The following NTRK3 variants were observed in gnomAD, a reference collection of about 807,000 sequenced individuals.
NTRK3 encodes the protein NT-3 growth factor receptor.
Under a neutral mutation model 91.7 loss-of-function variants are expected in NTRK3, and 24 were observed. That is an observed-to-expected ratio of 0.26 (90% confidence interval 0.19 to 0.37). The LOEUF is 0.37. Ranked by LOEUF, NTRK3 falls within the 10% of genes least tolerant of loss-of-function variation. The pLI is 1.00. For synonymous variants in NTRK3, 483 were observed against 404.0 expected, an observed-to-expected ratio of 1.20 and a Z score of -2.34; for missense variants, 880 against 1,068.9, an observed-to-expected ratio of 0.82 and a Z score of 2.46.
intron 3 of NTRK3, among the ~76,000 whole-genome samples, chr15:88,231,547 C>T (rs927482669): frequency 1.1e-4 from 16 of 152,128 alleles, no homozygotes; most frequent in Admixed American, 9.8e-4. Context: ...TAGCTTTATG[C>T]ACCCAGGAAA....
intron 5 of NTRK3, among the ~76,000 whole-genome samples, chr15:88,148,527 T>C (rs1214735345): frequency 1.3e-5 from 2 of 151,970 alleles, no homozygotes; most frequent in East Asian, 1.9e-4. Flanking sequence ...GGGAGGAGTG[T>C]TTCAGGCAGT....
At chr15:87,998,897 G>C (rs1013263129) in intron 14 of NTRK3, among the ~76,000 whole-genome samples, 1 of 152,184 alleles carries the variant, frequency 6.6e-6, no homozygotes, top group African/African-American at 2.4e-5. Flanking sequence ...TGCTGGTAGG[G>C]AGTGTGGGGG....
intron 14 of NTRK3, chr15:87,978,943 G>A (rs2073960430): frequency 3.0e-6 from 1 of 338,858 alleles, no homozygotes; most frequent in South Asian, 4.8e-5. Flanking sequence ...ACGCTTCCAA[G>A]CAGGGAAAGT....
chr15:88,157,239 ACAC>A (rs2043993834), intron 5 of NTRK3, among the ~76,000 whole-genome samples: 1 of 152,014 alleles, frequency 6.6e-6, no homozygotes, highest in South Asian at 2.1e-4. Context: ...TCACACACAC[ACAC>A]CACACTACAC....
intron 13 of NTRK3, among the ~76,000 whole-genome samples, chr15:88,075,401 A>C (rs943132175): frequency 3.9e-5 from 6 of 152,192 alleles, no homozygotes; most frequent in Non-Finnish European, 7.3e-5. Flanking sequence ...TAGATGTTTT[A>C]ATTACCCAAA....
intron 17 of NTRK3, among the ~76,000 whole-genome samples, chr15:87,904,064 T>A (rs377224492): frequency 6.6e-6 from 1 of 152,164 alleles, no homozygotes; most frequent in Admixed American, 6.5e-5. Context: ...AATACTAAGT[T>A]TGTTTGGGTG....
At chr15:87,873,861 G>A in exon 19 of NTRK3, 1 of 231,576 alleles carries the variant, frequency 4.3e-6, no homozygotes, top group Non-Finnish European at 8.5e-6. Context: ...GGAGAGGAGT[G>A]TCTTATTGGA....
intron 3 of NTRK3, among the ~76,000 whole-genome samples, chr15:88,220,531 G>C (rs148184650): frequency 1.7e-3 from 260 of 152,354 alleles, no homozygotes; most frequent in Non-Finnish European, 3.1e-3. Context: ...CTGAAAAATA[G>C]TGAGAGCAAG....
chr15:88,131,456 G>A (rs1160856929), intron 10 of NTRK3, among the ~76,000 whole-genome samples: 1 of 152,140 alleles, frequency 6.6e-6, no homozygotes, highest in Non-Finnish European at 1.5e-5. Context: ...TTTGGGGGAT[G>A]GTCACAGAAC....
exon 19 of NTRK3, chr15:87,871,646 A>G (rs542319684): frequency 3.7e-4 from 85 of 229,396 alleles, no homozygotes; most frequent in African/African-American, 1.8e-3. Context: ...TTACAAGATG[A>G]CAGATTTCCC....
chr15:88,037,305 T>C (rs1277877152), intron 13 of NTRK3, among the ~76,000 whole-genome samples: 1 of 152,192 alleles, frequency 6.6e-6, no homozygotes, highest in Non-Finnish European at 1.5e-5. Flanking sequence ...TTTATGCTTG[T>C]AATCCCAGCA....
chr15:88,068,361 G>T (rs2046830715), intron 13 of NTRK3, among the ~76,000 whole-genome samples: 1 of 152,198 alleles, frequency 6.6e-6, no homozygotes, highest in Non-Finnish European at 1.5e-5. Flanking sequence ...AACCCGGGAG[G>T]TGGAGGCTGC....
At chr15:88,175,925 T>TAG (rs983794187) in intron 5 of NTRK3, among the ~76,000 whole-genome samples, 209 of 152,244 alleles carry the variant, frequency 1.4e-3, no homozygotes, top group African/African-American at 4.9e-3. Context: ...GAGGGTGGGT[T>TAG]AGAGGCAATA....
intron 14 of NTRK3, among the ~76,000 whole-genome samples, chr15:87,967,474 G>A (rs973079508): frequency 1.3e-5 from 2 of 152,172 alleles, no homozygotes. Context: ...ACTCCCATAG[G>A]TCCTGGCTAG....
Position 88,235,973 on chromosome 15 carries a change from C to CAAAA in NTRK3, c.248+19932_248+19933insTTTT, listed in dbSNP as rs2051686032. On this transcript the variant is annotated intron_variant, in intron 3 of 18. Transcript: ENST00000394480. This position sits in a 1 kb window ranked among gnomAD's most constrained non-coding sequence, Gnocchi z 5.2. ...GTCACATAAATGTGTCTCTCCTAAC[C>CAAAA]CAGATTAATCAAAAACAGTCCTAGA... 6.6e-6 allele frequency among the ~76,000 whole-genome samples: 1 copy of CAAAA among 152,184 alleles called. No homozygotes were observed. The highest frequency in any genetic ancestry group is 2.4e-5 in the African/African-American group (1 of 41,444).
intron 17 of NTRK3, among the ~76,000 whole-genome samples, chr15:87,899,678 C>A (rs1253778625): frequency 1.3e-5 from 2 of 152,162 alleles, no homozygotes; most frequent in Admixed American, 1.3e-4. Flanking sequence ...ATTTTAATTT[C>A]TTCAGTAAAC....
intron 13 of NTRK3, among the ~76,000 whole-genome samples, chr15:88,037,665 G>A (rs1176510580): frequency 1.3e-5 from 2 of 152,206 alleles, no homozygotes; most frequent in African/African-American, 2.4e-5. Flanking sequence ...ATGAGCCAAC[G>A]TGTTGGAAAA....
At chr15:88,008,318 T>TCTCTTG (rs1245621412) in intron 14 of NTRK3, among the ~76,000 whole-genome samples, 1 of 152,058 alleles carries the variant, frequency 6.6e-6, no homozygotes, top group Non-Finnish European at 1.5e-5. Context: ...ACTCACTAGG[T>TCTCTTG]CTCTTGGGGC....
At chr15:88,098,109 A>C (rs1438826041) in intron 13 of NTRK3, among the ~76,000 whole-genome samples, 3 of 152,240 alleles carry the variant, frequency 2.0e-5, no homozygotes, top group Non-Finnish European at 4.4e-5. Flanking sequence ...AATCTAGTTC[A>C]AGCTGCTACT....
Sources: gnomAD v4.1 joint callset for allele counts (sites outside exome capture counted in the v4.1 genomes callset) on GRCh38, gnomAD v4.1.1 for gene constraint, Gnocchi (gnomAD v3.1) non-coding constraint, MANE v1.5 for transcripts, NCBI Gene and HGNC (gene_info 2026-07-23, HGNC 2026-07-21) for gene names.